The following CAV1 variants were observed in gnomAD, a reference collection of about 807,000 sequenced individuals.
CAV1 encodes caveolin-1.
Under a neutral mutation model 16.5 loss-of-function variants are expected in CAV1, and 10 were observed. That is an observed-to-expected ratio of 0.61 (90% confidence interval 0.37 to 1.03). The LOEUF (loss-of-function observed/expected upper bound fraction) is 1.03. CAV1 is among the 50% of genes least tolerant of loss of function. The pLI, the probability that CAV1 is intolerant of heterozygous loss-of-function variation, is 0.01. For missense variants in CAV1, 212 were observed against 232.8 expected, an observed-to-expected ratio of 0.91 and a Z score of 0.58; for synonymous variants, 76 against 85.1, an observed-to-expected ratio of 0.89 and a Z score of 0.59.
intron 2 of CAV1, chr7:116,527,140 A>T: frequency 8.7e-6 from 2 of 228,622 alleles, no homozygotes; most frequent in Non-Finnish European, 1.8e-5. Context: ...TCAGAATACA[A>T]GATGGGCATG....
At chr7:116,534,821 A>G (rs1449891532) in intron 2 of CAV1, among the ~76,000 whole-genome samples, 1 of 152,184 alleles carries the variant, frequency 6.6e-6, no homozygotes, top group Non-Finnish European at 1.5e-5. Flanking sequence ...ACTGTACCCA[A>G]GGTTGGCTAA....
At chr7:116,531,494 C>T (rs1793685496) in intron 2 of CAV1, among the ~76,000 whole-genome samples, 1 of 152,198 alleles carries the variant, frequency 6.6e-6, no homozygotes, top group African/African-American at 2.4e-5. Flanking sequence ...AACTTGAAAG[C>T]ATTCTAGAGC....
chr7:116,536,497 A>G (rs1377306680), intron 2 of CAV1, among the ~76,000 whole-genome samples: 1 of 152,198 alleles, frequency 6.6e-6, no homozygotes, highest in Non-Finnish European at 1.5e-5. Context: ...AGCCGAACAT[A>G]TGTTTACCAG....
chr7:116,528,660 C>G (rs912804290), intron 2 of CAV1, among the ~76,000 whole-genome samples: 1 of 152,128 alleles, frequency 6.6e-6, no homozygotes, highest in Non-Finnish European at 1.5e-5. Flanking sequence ...AGGGTCCTAT[C>G]TACATCTTAT....
At chr7:116,543,924 A>T (rs1341243253) in intron 2 of CAV1, among the ~76,000 whole-genome samples, 1 of 152,188 alleles carries the variant, frequency 6.6e-6, no homozygotes, top group African/African-American at 2.4e-5. Context: ...AAATTTTCCC[A>T]TTACCTAGCT....
At chr7:116,542,104 C>A (rs1238451536) in intron 2 of CAV1, among the ~76,000 whole-genome samples, 1 of 152,174 alleles carries the variant, frequency 6.6e-6, no homozygotes, top group East Asian at 1.9e-4. Context: ...TAGAACACTG[C>A]AAAAGGCATG....
intron 2 of CAV1, among the ~76,000 whole-genome samples, chr7:116,546,880 C>A (rs1794062876): frequency 6.6e-6 from 1 of 152,122 alleles, no homozygotes; most frequent in African/African-American, 2.4e-5. Flanking sequence ...GGACAAATTT[C>A]ATGATTCTGG....
chr7:116,534,691 C>T (rs1295908054), intron 2 of CAV1, among the ~76,000 whole-genome samples: 2 of 151,826 alleles, frequency 1.3e-5, no homozygotes, highest in East Asian at 2.0e-4. Context: ...TGAGCCACTG[C>T]ACCCGGCCCA....
At chr7:116,536,178 G>A (rs536262314) in intron 2 of CAV1, among the ~76,000 whole-genome samples, 14 of 152,234 alleles carry the variant, frequency 9.2e-5, no homozygotes, top group Middle Eastern at 3.4e-3. Flanking sequence ...GGGAGGACAA[G>A]AAGCAAAGGA....
At chr7:116,535,808 A>G (rs952403080) in intron 2 of CAV1, among the ~76,000 whole-genome samples, 1 of 152,170 alleles carries the variant, frequency 6.6e-6, no homozygotes, top group South Asian at 2.1e-4. Flanking sequence ...ATGGCAGGGG[A>G]AGTACATATT....
chr7:116,545,529 G>A (rs764812531), intron 2 of CAV1, among the ~76,000 whole-genome samples: 3 of 152,150 alleles, frequency 2.0e-5, no homozygotes, highest in Admixed American at 2.0e-4. Flanking sequence ...TTCATTTTCT[G>A]TGTGTTTAGT....
intron 1 of CAV1, chr7:116,526,214 G>A (rs547632912): frequency 1.0e-5 from 10 of 962,792 alleles, no homozygotes; most frequent in Non-Finnish European, 1.3e-5. Context: ...CGGGGCGTGC[G>A]CGGGCGGGGG....
At position 116,560,131 on chromosome 7, in the gene CAV1, G is replaced by A. The variant is rs149177372; in HGVS notation, c.*844G>A. 3.7e-3 allele frequency: 1,124 copies of A among 305,398 alleles called. 9 individuals carry two copies. The highest frequency in any genetic ancestry group is 0.022 in the African/African-American group (1,025 of 46,664). 18.9% of individuals were successfully genotyped at this position (305,398 alleles called of 1,614,324 possible). ...GCTTCATCTGGCAACATCTTTATCC[G>A]TAGTGGGTATGGTTGACACTAGCCC... On this transcript the variant is annotated 3_prime_UTR_variant, in exon 3 of 3. Coordinates refer to ENST00000341049, the MANE Select transcript of CAV1 (RefSeq NM_001753.5).
At chr7:116,536,859 C>T (rs1256887180) in intron 2 of CAV1, among the ~76,000 whole-genome samples, 5 of 151,468 alleles carry the variant, frequency 3.3e-5, no homozygotes, top group Middle Eastern at 3.2e-3. Flanking sequence ...AAAAATTAGC[C>T]GGGCGCGGTG....
intron 2 of CAV1, among the ~76,000 whole-genome samples, chr7:116,553,584 C>T (rs757816229): frequency 5.3e-5 from 8 of 152,048 alleles, no homozygotes; most frequent in Non-Finnish European, 1.2e-4. Context: ...AGCTCAACCT[C>T]ATCTGAGGCA....
intron 2 of CAV1, among the ~76,000 whole-genome samples, chr7:116,534,395 A>ATATT (rs1442237865): frequency 1.0e-3 from 8 of 7,838 alleles, no homozygotes; most frequent in Non-Finnish European, 2.1e-3. Context: ...ATATATATAT[A>ATATT]TTTTTTTTTT....
chr7:116,540,114 G>A (rs187915000), intron 2 of CAV1, among the ~76,000 whole-genome samples: 2 of 152,320 alleles, frequency 1.3e-5, no homozygotes, highest in African/African-American at 2.4e-5. Flanking sequence ...AATACACAGA[G>A]CTCTGAGATT....
Position 116,559,158 on chromosome 7 carries a change from C to T in CAV1, c.408C>T (p.Ser136=), listed in dbSNP as rs1211183781. Residue 136 remains serine (S), a synonymous_variant, in exon 3 of 3, where the codon AGC becomes AGT. Transcript: ENST00000341049. ...HIWAVVPCIK[S]FLIEIQCISR... is the part of the protein sequence containing the mutation. ...GGGCAGTTGTACCATGCATTAAGAG[C>T]TTCCTGATTGAGATTCAGTGCATCA... 24 of 1,613,810 alleles carry T rather than the reference C, an allele frequency of 1.5e-5. No individual in the cohort carries two copies. Among genetic ancestry groups the T allele is most frequent in the Non-Finnish European group, 2.0e-5 (24 of 1,179,878 alleles).
chr7:116,554,222 T>C, intron 2 of CAV1, among the ~76,000 whole-genome samples: 1 of 152,234 alleles, frequency 6.6e-6, no homozygotes, highest in East Asian at 1.9e-4. Flanking sequence ...CCGAGCTTTG[T>C]TGGATTCAGT....
Sources: gnomAD v4.1 joint callset for allele counts (sites outside exome capture counted in the v4.1 genomes callset) on GRCh38, gnomAD v4.1.1 for gene constraint, MANE v1.5 for transcripts, NCBI Gene and HGNC (gene_info 2026-07-23, HGNC 2026-07-21) for gene names.